COL26A1: variants seen among roughly 807,000 people sequenced by gnomAD.
The protein encoded by COL26A1 is collagen type XXVI alpha 1 chain.
Under a neutral mutation model 59.3 loss-of-function variants are expected in COL26A1, and 41 were observed. That is an observed-to-expected ratio of 0.69 (90% CI 0.54 to 0.90). The LOEUF (loss-of-function observed/expected upper bound fraction) is 0.90, where lower values mean the gene tolerates loss of function less well. COL26A1 is among the 40% of genes least tolerant of loss of function. The pLI, the probability that COL26A1 is intolerant of heterozygous loss-of-function variation, is 0.00. For missense variants in COL26A1, 612 were observed against 602.3 expected (o/e 1.02, Z -0.17); for synonymous variants, 266 against 256.0 (o/e 1.04, Z -0.37).
chr7:101,441,475 C>G (rs1394619470), intron 2 of COL26A1, among the ~76,000 whole-genome samples: 1 of 152,090 alleles, frequency 6.6e-6, no homozygotes, highest in Non-Finnish European at 1.5e-5. Flanking sequence ...CCATGCCCGG[C>G]TATTTTTTGT....
chr7:101,495,274 GCTTTCCAAAACATGTTGA>G (rs1183212305), intron 3 of COL26A1, among the ~76,000 whole-genome samples: 1 of 152,204 alleles, frequency 6.6e-6, no homozygotes, highest in Non-Finnish European at 1.5e-5. Flanking sequence ...GGTAGTCAGA[GCTTTCCAAAACATGTTGA>G]CTTGATTTCC....
chr7:101,530,072 G>C (rs1251835059), intron 3 of COL26A1, among the ~76,000 whole-genome samples: 1 of 152,138 alleles, frequency 6.6e-6, no homozygotes, highest in Non-Finnish European at 1.5e-5. Flanking sequence ...TAGAGGAGAG[G>C]AGGTGGACAG....
At chr7:101,494,534 C>A (rs1037012274) in intron 3 of COL26A1, among the ~76,000 whole-genome samples, 9 of 152,246 alleles carry the variant, frequency 5.9e-5, no homozygotes, top group African/African-American at 2.2e-4. Flanking sequence ...TCAAAGTTCA[C>A]CCATCCCTGA....
chr7:101,411,679 G>A (rs1562967012), intron 1 of COL26A1, among the ~76,000 whole-genome samples: 1 of 152,124 alleles, frequency 6.6e-6, no homozygotes, highest in Non-Finnish European at 1.5e-5. Flanking sequence ...TGTGTGTACT[G>A]CAGTGTCCTG....
chr7:101,423,091 C>G (rs1038578893), intron 2 of COL26A1, among the ~76,000 whole-genome samples: 7 of 151,968 alleles, frequency 4.6e-5, no homozygotes, highest in Non-Finnish European at 1.0e-4. Flanking sequence ...ATGGAGAAAC[C>G]CTGTCTCCAC....
intron 3 of COL26A1, among the ~76,000 whole-genome samples, chr7:101,522,464 C>A (rs1227518659): frequency 2.0e-5 from 3 of 152,202 alleles, no homozygotes; most frequent in Admixed American, 6.5e-5. Flanking sequence ...CAAAATCAGG[C>A]ATCTGGTGAG....
chr7:101,363,151 C>A lies in COL26A1; in HGVS notation c.119C>A (p.Pro40His). The change falls in exon 1 of 13, where the codon CCC becomes CAC. Residue 40 changes from proline to histidine, a missense_variant. Pro to His is a moderately conservative substitution (Grantham distance 77). Transcript: ENST00000313669. ...CTGCAGCAGCACGGCTACCCCGAGC[C>A]CGGCGCCGGCTCCCCTGGCAGCGGC... ...AALQQHGYPEPGAGSPGSGYA... is the reference protein window; with the variant it reads ...AALQQHGYPEHGAGSPGSGYA... The A allele has an allele frequency of 6.6e-7, 1 of 1,512,686 alleles. No homozygotes were observed. The highest frequency in any genetic ancestry group is 8.8e-7 in the Non-Finnish European group (1 of 1,137,866). 93.7% of individuals were successfully genotyped at this position (1,512,686 alleles called of 1,614,324 possible). A position where few individuals can be genotyped will look rare whatever the true frequency, so the allele number is the denominator to read the frequency against.
chr7:101,389,261 T>G (rs757871807), intron 1 of COL26A1, among the ~76,000 whole-genome samples: 1 of 152,204 alleles, frequency 6.6e-6, no homozygotes, highest in Non-Finnish European at 1.5e-5. Context: ...TGGAGAAATT[T>G]CTATTATTAA....
upstream of COL26A1, among the ~76,000 whole-genome samples, chr7:101,362,485 CG>C (rs1790913191): frequency 6.6e-6 from 1 of 152,196 alleles, no homozygotes; most frequent in South Asian, 2.1e-4. Flanking sequence ...GCACAAGGAT[CG>C]GAAGACTCGC....
At chr7:101,364,229 C>T (rs1790986731) in intron 1 of COL26A1, among the ~76,000 whole-genome samples, 1 of 112,614 alleles carries the variant, frequency 8.9e-6, no homozygotes, top group East Asian at 2.9e-4. Flanking sequence ...GTTTGCATAA[C>T]TCGCTTGAAT....
intron 2 of COL26A1, among the ~76,000 whole-genome samples, chr7:101,426,927 T>TAGCC (rs1792662234): frequency 6.6e-6 from 1 of 152,322 alleles, no homozygotes; most frequent in Admixed American, 6.5e-5. Flanking sequence ...GGGCCCTGTG[T>TAGCC]AGCCGCCTTG....
At chr7:101,493,281 T>TC (rs1794507870) in intron 3 of COL26A1, among the ~76,000 whole-genome samples, 1 of 143,360 alleles carries the variant, frequency 7.0e-6, no homozygotes, top group Non-Finnish European at 1.5e-5. Flanking sequence ...TGGCCACTCT[T>TC]CCCTCCTTCC....
At chr7:101,489,652 TCTTTCTTTCTTCCTTC>T (rs1352599666) in intron 3 of COL26A1, among the ~76,000 whole-genome samples, 6 of 75,794 alleles carry the variant, frequency 7.9e-5, no homozygotes, top group African/African-American at 1.2e-4. Context: ...TTTCTTTCTT[TCTTTCTTTCTTCCTTC>T]CTTCCTTCCT....
At chr7:101,457,947 A>G (rs1373485301) in intron 3 of COL26A1, among the ~76,000 whole-genome samples, 1 of 147,010 alleles carries the variant, frequency 6.8e-6, no homozygotes, top group Non-Finnish European at 1.5e-5. Flanking sequence ...CCCAAGCAGG[A>G]GAGCAATGGC....
chr7:101,445,147 T>TAG (rs1393326359), intron 2 of COL26A1, among the ~76,000 whole-genome samples: 1 of 151,862 alleles, frequency 6.6e-6, no homozygotes, highest in Non-Finnish European at 1.5e-5. Flanking sequence ...GGCCAGGTAC[T>TAG]TTATGTTTAC....
At chr7:101,455,790 C>T (rs1793456588) in intron 3 of COL26A1, among the ~76,000 whole-genome samples, 1 of 152,192 alleles carries the variant, frequency 6.6e-6, no homozygotes, top group African/African-American at 2.4e-5. Context: ...TCAAACCATT[C>T]TCCTGCCTCA....
At chr7:101,404,074 A>G (rs1177313464) in intron 1 of COL26A1, among the ~76,000 whole-genome samples, 2 of 152,194 alleles carry the variant, frequency 1.3e-5, no homozygotes, top group African/African-American at 2.4e-5. Flanking sequence ...AGCCTGGGCA[A>G]CAGAGCTATG....
At chr7:101,381,339 C>T (rs1016922837) in intron 1 of COL26A1, among the ~76,000 whole-genome samples, 4 of 152,016 alleles carry the variant, frequency 2.6e-5, no homozygotes, top group African/African-American at 9.7e-5. Flanking sequence ...CTTCCTGCCT[C>T]TCTCTTGTAT....
intron 3 of COL26A1, among the ~76,000 whole-genome samples, chr7:101,477,042 C>A (rs1468320696): frequency 6.6e-6 from 1 of 151,896 alleles, no homozygotes; most frequent in African/African-American, 2.4e-5. Context: ...CCAGATTTCA[C>A]CATGTTGGCC....
Sources: gnomAD v4.1 joint callset for allele counts (sites outside exome capture counted in the v4.1 genomes callset) on GRCh38, gnomAD v4.1.1 for gene constraint, MANE v1.5 for transcripts, NCBI Gene and HGNC (gene_info 2026-07-23, HGNC 2026-07-21) for gene names.